MBTD1: variants seen among roughly 807,000 people sequenced by gnomAD.
The protein encoded by MBTD1 is MBT domain-containing protein 1.
MBTD1 carries 24 observed loss-of-function variants against 87.8 expected under a neutral mutation model. The ratio of observed to expected loss-of-function variants is 0.27; its 90% CI spans 0.20 to 0.38. MBTD1 has a LOEUF of 0.38. Ranked by LOEUF, MBTD1 falls within the 10% of genes least tolerant of loss-of-function variation. The pLI, the probability that MBTD1 is intolerant of heterozygous loss-of-function variation, is 1.00. For synonymous variants in MBTD1, 237 were observed against 248.6 expected (o/e 0.95, Z 0.44); for missense variants, 436 against 760.2 (o/e 0.57, Z 5.02).
chr17:51,259,203 G>A lies in MBTD1; in HGVS notation c.-109C>T. Reference sequence around the variant, plus strand: ...TTGGATGACCTCTAATGTCTCTTCCGACTCTGAAATGTTAGGATTCTTATT... The same window carrying A: ...TTGGATGACCTCTAATGTCTCTTCCAACTCTGAAATGTTAGGATTCTTATT... On this transcript the variant is annotated 5_prime_UTR_variant, in exon 2 of 17. Coordinates refer to ENST00000586178, the MANE Select transcript of MBTD1 (RefSeq NM_017643.3). The A allele has an allele frequency of 1.7e-6, 2 of 1,200,498 alleles. No homozygotes were observed. Among genetic ancestry groups the A allele is most frequent in the East Asian group, 3.2e-5 (1 of 31,546 alleles). 74.4% of individuals were successfully genotyped at this position (1,200,498 alleles called of 1,614,324 possible).
chr17:51,238,849 C>G (rs2053999572), intron 2 of MBTD1, among the ~76,000 whole-genome samples: 1 of 152,124 alleles, frequency 6.6e-6, no homozygotes, highest in Non-Finnish European at 1.5e-5. Flanking sequence ...CCTGTAATCC[C>G]AGAACTTTGG....
In MBTD1 at chr17:51,195,258, A is replaced by G; in HGVS notation, c.1328T>C (p.Val443Ala). 4 of 1,613,620 alleles carry G rather than the reference A, an allele frequency of 2.5e-6. No individual in the cohort carries two copies. Among genetic ancestry groups the G allele is most frequent in the Non-Finnish European group, 3.4e-6 (4 of 1,179,760 alleles). ...YHATSPSIFP[V>A]GFCEINMIEL... is the part of the protein sequence containing the mutation. ...AATCATGTTAATTTCACAGAAACCG[A>G]CAGGGAAAATAGAAGGAGAGGTTGC... The change falls in exon 13 of 17, where the codon GTC becomes GCC. Residue 443 changes from valine to alanine, a missense_variant. Val to Ala is a moderately conservative substitution (Grantham distance 64). Transcript: ENST00000586178.
chr17:51,187,945 C>T (rs1024321720), intron 16 of MBTD1, among the ~76,000 whole-genome samples: 1 of 150,962 alleles, frequency 6.6e-6, no homozygotes, highest in Non-Finnish European at 1.5e-5. Flanking sequence ...CAGAATAAAC[C>T]GAGTAAGAGC....
chr17:51,206,204 G>A (rs1199843439), intron 7 of MBTD1, among the ~76,000 whole-genome samples: 8 of 152,068 alleles, frequency 5.3e-5, no homozygotes, highest in South Asian at 4.2e-4. Flanking sequence ...TAAACAGAAC[G>A]GAAGAACCCA....
Position 51,259,761 on chromosome 17 carries a change from G to A in MBTD1, c.-113+74C>T, listed in dbSNP as rs543711801. 4.1e-6 allele frequency: 5 copies of A among 1,218,814 alleles called. No homozygotes were observed. In the Admixed American group the frequency reaches 1.7e-4, roughly 41 times the overall value. The allele number at this position is 1,218,814 out of a possible 1,614,324, so 75.5% of individuals were successfully genotyped here. A position where few individuals can be genotyped will look rare whatever the true frequency, so the allele number is the denominator to read the frequency against. ...AGGGAGCGGGGTCAGGGAGCTGCGG[G>A]GTTCCTGGGGTCGGAGAGCTGCAGG... On this transcript the variant is annotated intron_variant, in intron 1 of 16. Transcript: ENST00000586178.
chr17:51,184,268 C>T (rs1011664021), intron 16 of MBTD1: 2 of 152,198 alleles, frequency 1.3e-5, no homozygotes, highest in African/African-American at 4.8e-5. Context: ...TAAAACAGAT[C>T]CTGTGGTTGA....
chr17:51,260,430 A>G, upstream of MBTD1: 1 of 785,910 alleles, frequency 1.3e-6, no homozygotes, highest in East Asian at 2.9e-5. Context: ...GGGGAGCGGG[A>G]GTTACGTAGA....
chr17:51,245,474 T>C (rs1481649546), intron 2 of MBTD1, among the ~76,000 whole-genome samples: 6 of 152,056 alleles, frequency 3.9e-5, no homozygotes, highest in Non-Finnish European at 7.4e-5. Flanking sequence ...TACAGAAAAA[T>C]TTTCCCGTAT....
At chr17:51,196,526 C>A (rs1173303026) in intron 12 of MBTD1, among the ~76,000 whole-genome samples, 1 of 152,048 alleles carries the variant, frequency 6.6e-6, no homozygotes, top group Non-Finnish European at 1.5e-5. Context: ...CCCATCTTGC[C>A]CTATTACCAC....
At chr17:51,239,464 T>G (rs2054040679) in intron 2 of MBTD1, among the ~76,000 whole-genome samples, 1 of 152,196 alleles carries the variant, frequency 6.6e-6, no homozygotes, top group South Asian at 2.1e-4. Flanking sequence ...GACCAATGAT[T>G]AACATTTTCT....
chr17:51,260,799 TC>T (rs761368243), upstream of MBTD1: 18 of 1,581,638 alleles, frequency 1.1e-5, no homozygotes, highest in Non-Finnish European at 1.5e-5. Context: ...GAGAGACGGC[TC>T]CGGCAGCGGA....
rs2050606834 is a variant in MBTD1, at chr17:51,187,754, CAGG to C, written c.1768+4446_1768+4448del. On this transcript the variant is annotated intron_variant, in intron 16 of 16. Coordinates refer to ENST00000586178, the MANE Select transcript of MBTD1 (RefSeq NM_017643.3). ...AATCCCACTACTTGGGAGGCTGAAG[CAGG>C]AGAATCGCTTGAATCCGGGAGGCAG... Among the ~76,000 whole-genome samples, 3 of 151,334 alleles carry C rather than the reference CAGG, an allele frequency of 2.0e-5. No homozygotes were observed. In the South Asian group the frequency reaches 6.2e-4, roughly 31 times the overall value.
At chr17:51,259,449 C>A (rs1409292585) in intron 1 of MBTD1, among the ~76,000 whole-genome samples, 6 of 152,166 alleles carry the variant, frequency 3.9e-5, no homozygotes. Flanking sequence ...TGTGCTCCCC[C>A]TCCCCGCCAA....
At chr17:51,238,675 T>C (rs1328486583) in intron 2 of MBTD1, among the ~76,000 whole-genome samples, 2 of 152,080 alleles carry the variant, frequency 1.3e-5, no homozygotes, top group East Asian at 3.9e-4. Flanking sequence ...ATGAAAAAAG[T>C]GAACCAATCA....
chr17:51,202,809 A>G lies in MBTD1; in HGVS notation c.955T>C (p.Tyr319His). The change falls in exon 10 of 17, where the codon TAT (tyrosine) becomes CAT (histidine). Residue 319 changes from tyrosine (Y) to histidine (H), a missense_variant. Tyr to His is a moderately conservative substitution (Grantham distance 83). Transcript: ENST00000586178. ...TCTGTTCTATCTTCGCTTTCTTCAT[A>G]CACTAGTCTTAATCTTCCTCCAATT... ...SVIGGRLRLV[Y>H]EESEDRTDDF... 1 of 1,614,100 alleles carries G rather than the reference A, an allele frequency of 6.2e-7. No homozygotes were observed. Among genetic ancestry groups the G allele is most frequent in the East Asian group, 2.2e-5 (1 of 44,868 alleles).
intron 2 of MBTD1, among the ~76,000 whole-genome samples, chr17:51,246,909 G>C (rs573102213): frequency 1.3e-5 from 2 of 152,124 alleles, no homozygotes; most frequent in African/African-American, 4.8e-5. Flanking sequence ...CAAAGTGCTG[G>C]GATTACAGGT....
intron 16 of MBTD1, among the ~76,000 whole-genome samples, chr17:51,190,721 C>CAAAAAAAA (rs1165717944): frequency 1.4e-4 from 5 of 35,158 alleles, no homozygotes; most frequent in African/African-American, 1.9e-4. Context: ...GACTCTGTCT[C>CAAAAAAAA]AAAAAAAAAA....
intron 2 of MBTD1, among the ~76,000 whole-genome samples, chr17:51,242,454 A>G (rs1471431420): frequency 5.9e-5 from 9 of 152,212 alleles, no homozygotes. Context: ...GTTGGAGTTT[A>G]GTATTTCTTT....
At chr17:51,260,386 C>A, upstream of MBTD1, 1 of 612,108 alleles carries the variant, frequency 1.6e-6, no homozygotes, top group Admixed American at 3.5e-5. Flanking sequence ...ATTGGCCCTC[C>A]CGGAGGAACT....
Sources: allele counts gnomAD v4.1 joint callset (sites outside exome capture counted in the v4.1 genomes callset), GRCh38; gene constraint gnomAD v4.1.1; transcripts MANE v1.5; gene names NCBI Gene and HGNC (gene_info 2026-07-23, HGNC 2026-07-21).